HEPHL1: variants seen among roughly 807,000 people sequenced by gnomAD.
The protein encoded by HEPHL1 is hephaestin like 1.
HEPHL1 carries 123 observed loss-of-function variants against 122.0 expected under a neutral mutation model. The ratio of observed to expected loss-of-function variants is 1.01; its 90% CI spans 0.87 to 1.17. The LOEUF (loss-of-function observed/expected upper bound fraction) is 1.17, where lower values mean the gene tolerates loss of function less well. Among genes scored for constraint, HEPHL1 ranks in the 50% most tolerant of loss-of-function variants. The probability of loss-of-function intolerance (pLI) is 0.00; values close to 1 mark genes in which losing one functional copy is unlikely to be tolerated. For synonymous variants in HEPHL1, 527 were observed against 508.9 expected (o/e 1.04, Z -0.48); for missense variants, 1,452 against 1,430.5 (o/e 1.01, Z -0.24).
At position 94,106,016 on chromosome 11, in the gene HEPHL1, T is replaced by A. The variant is rs1262410978; in HGVS notation, c.2931T>A (p.Asn977Lys). Residue 977 changes from asparagine to lysine, a missense_variant, in exon 17 of 20, where the codon AAT becomes AAA. Coordinates refer to ENST00000315765, the MANE Select transcript of HEPHL1 (RefSeq NM_001098672.2). ...CCATTAATGGAAAGATTTTTGGGAA[T>A]CTCCATGGCCTCATAATGAACGAAG... ...MHAINGKIFGNLHGLIMNEDT... is the reference protein window; with the variant it reads ...MHAINGKIFGKLHGLIMNEDT... 6.3e-6 allele frequency: 10 copies of A among 1,578,348 alleles called. No homozygotes were observed. The highest frequency in any genetic ancestry group is 8.6e-6 in the Non-Finnish European group (10 of 1,157,792).
intron 12 of HEPHL1, among the ~76,000 whole-genome samples, chr11:94,089,703 C>G (rs1397979331): frequency 3.9e-5 from 6 of 152,092 alleles, no homozygotes; most frequent in East Asian, 1.9e-4. Context: ...ACCTCCTCCC[C>G]CAGGGCTAAT....
chr11:94,082,328 T>C (rs761977148), intron 9 of HEPHL1, 90 bp from the exon 10 acceptor site: 18 of 941,740 alleles, frequency 1.9e-5, no homozygotes, highest in Non-Finnish European at 2.7e-5. Flanking sequence ...CCCTGACTTA[T>C]TAATATTTTG....
intron 16 of HEPHL1, among the ~76,000 whole-genome samples, chr11:94,105,121 G>C (rs1278489191): frequency 3.9e-5 from 6 of 152,136 alleles, no homozygotes; most frequent in Non-Finnish European, 7.3e-5. Context: ...TCTGGGATAT[G>C]AAACACTACC....
intron 12 of HEPHL1, among the ~76,000 whole-genome samples, chr11:94,090,862 C>A (rs936653829): frequency 6.6e-6 from 1 of 152,130 alleles, no homozygotes; most frequent in Non-Finnish European, 1.5e-5. Flanking sequence ...GGCCCTCTGC[C>A]CCACCTTGGG....
chr11:94,070,498 A>G lies in HEPHL1; in HGVS notation c.1188A>G (p.Gln396=), dbSNP rs1412580757. The change falls in exon 6 of 20, where the codon CAA becomes CAG. Residue 396 remains glutamine (Q), a synonymous_variant. Transcript: ENST00000315765. The part of the protein sequence containing the change: ...AEKILWDYAP[Q]GYNKFSGLPL... Reference sequence around the variant, plus strand: ...AAATTCTTTGGGATTATGCTCCTCAAGGCTATAACAAATTCAGTGGTCTTC... The same window carrying G: ...AAATTCTTTGGGATTATGCTCCTCAGGGCTATAACAAATTCAGTGGTCTTC... 2 of 1,611,252 alleles carry G rather than the reference A, an allele frequency of 1.2e-6. No homozygotes were observed. Among genetic ancestry groups the G allele is most frequent in the Middle Eastern group, 1.7e-4 (1 of 6,054 alleles).
At chr11:94,039,565 T>A (rs1945756688) in intron 1 of HEPHL1, among the ~76,000 whole-genome samples, 1 of 151,548 alleles carries the variant, frequency 6.6e-6, no homozygotes, top group African/African-American at 2.4e-5. Context: ...GGATTAAGAA[T>A]CTCACTCAAA....
intron 1 of HEPHL1, among the ~76,000 whole-genome samples, chr11:94,037,280 CGAGGCTGGGGGAGGGGCG>C (rs1482572527): frequency 2.6e-5 from 4 of 151,948 alleles, no homozygotes; most frequent in African/African-American, 9.7e-5. Context: ...AAGGCGGCAG[CGAGGCTGGGGGAGGGGCG>C]CCCGCCATTG....
At chr11:94,091,879 T>C (rs1404749800) in intron 12 of HEPHL1, among the ~76,000 whole-genome samples, 1 of 152,092 alleles carries the variant, frequency 6.6e-6, no homozygotes, top group Non-Finnish European at 1.5e-5. Context: ...AGAGAGTGAA[T>C]GTTTAGAATG....
chr11:94,063,804 C>A, intron 3 of HEPHL1, 84 bp downstream of exon 3: 1 of 1,130,406 alleles, frequency 8.8e-7, no homozygotes, highest in Non-Finnish European at 1.3e-6. Flanking sequence ...CTTTGCTCCA[C>A]ACAGAATGTG....
intron 12 of HEPHL1, among the ~76,000 whole-genome samples, 164 bp downstream of exon 12, chr11:94,089,132 C>T (rs1946243815): frequency 6.6e-6 from 1 of 152,196 alleles, no homozygotes; most frequent in Non-Finnish European, 1.5e-5. Flanking sequence ...CCACCTCGGC[C>T]TCCGGAAGGC....
chr11:94,084,630 G>C (rs1353718831), intron 10 of HEPHL1, among the ~76,000 whole-genome samples: 1 of 152,190 alleles, frequency 6.6e-6, no homozygotes, highest in East Asian at 1.9e-4. Context: ...GTTGTAGAAA[G>C]AGAGGCTTTA....
intron 1 of HEPHL1, among the ~76,000 whole-genome samples, chr11:94,043,628 A>G (rs1302735002): frequency 6.6e-6 from 1 of 151,964 alleles, no homozygotes. Flanking sequence ...CTCTGGGCAC[A>G]CTCCTCACTC....
chr11:94,099,310 G>A (rs555807738), intron 13 of HEPHL1, among the ~76,000 whole-genome samples: 24 of 152,284 alleles, frequency 1.6e-4, no homozygotes, highest in African/African-American at 2.2e-4. Context: ...TATCAGCAGC[G>A]GAGGCTGCAG....
In HEPHL1 at chr11:94,064,389, G is replaced by A. The variant is rs1312177591; in HGVS notation, c.687G>A (p.Met229Ile). 2 of 1,612,930 alleles carry A rather than the reference G, an allele frequency of 1.2e-6. No individual in the cohort carries two copies. Among genetic ancestry groups the A allele is most frequent in the Non-Finnish European group, 8.5e-7 (1 of 1,179,214 alleles). ...ATGTGGATCGAGAGTTTGTTATAAT[G>A]TTTACTCTTGTGGATGAGAATCAAA... ...RNDVDREFVIMFTLVDENQSW... is the reference protein window; with the variant it reads ...RNDVDREFVIIFTLVDENQSW... Residue 229 changes from methionine to isoleucine, a missense_variant, in exon 4 of 20, where the codon ATG (methionine) becomes ATA (isoleucine). Coordinates refer to ENST00000315765, the MANE Select transcript of HEPHL1 (RefSeq NM_001098672.2).
chr11:94,024,934 A>T (rs1945611559), intron 1 of HEPHL1, among the ~76,000 whole-genome samples: 1 of 152,204 alleles, frequency 6.6e-6, no homozygotes, highest in African/African-American at 2.4e-5. Context: ...TAATCACCTT[A>T]TCAACTGAGT....
At chr11:94,068,931 C>T (rs1321031366) in intron 5 of HEPHL1, among the ~76,000 whole-genome samples, 1 of 152,172 alleles carries the variant, frequency 6.6e-6, no homozygotes, top group African/African-American at 2.4e-5. Context: ...GTAACACATT[C>T]TTGTTCCTGT....
chr11:94,067,792 A>G, intron 5 of HEPHL1, 42 bp downstream of exon 5: 1 of 1,591,986 alleles, frequency 6.3e-7, no homozygotes. Context: ...TTAGAATGGT[A>G]CAATCAAACC....
chr11:94,101,558 C>T (rs1159441063), intron 14 of HEPHL1, among the ~76,000 whole-genome samples: 3 of 152,150 alleles, frequency 2.0e-5, no homozygotes, highest in Admixed American at 1.3e-4. Flanking sequence ...CAACATCCCC[C>T]ACCAGAGTAG....
Position 94,027,548 on chromosome 11 carries a change from C to T in HEPHL1, c.170+6010C>T, listed in dbSNP as rs111509103. 5.3e-3 allele frequency among the ~76,000 whole-genome samples: 813 copies of T among 152,238 alleles called. 7 individuals are homozygous for T. The highest frequency in any genetic ancestry group is 0.019 in the African/African-American group (780 of 41,522). The stretch of plus-strand genomic sequence containing the variant: ...AATCATAACTGTCATTGATTCAGCA[C>T]CACTCTCCCAGTTGCTGTGTGTGTG... On this transcript the variant is annotated intron_variant, in intron 1 of 19. Transcript: ENST00000315765.
Sources: gnomAD v4.1 joint callset for allele counts (sites outside exome capture counted in the v4.1 genomes callset) on GRCh38, gnomAD v4.1.1 for gene constraint, MANE v1.5 for transcripts, NCBI Gene and HGNC (gene_info 2026-07-23, HGNC 2026-07-21) for gene names.